Variants in AHCTF1 observed in about 807,000 individuals in gnomAD.
AHCTF1 encodes the protein protein ELYS.
AHCTF1 carries 24 observed loss-of-function variants against 248.4 expected under a neutral mutation model. The observed-to-expected ratio is 0.10, with a 90% CI of 0.07 to 0.14. AHCTF1 has a LOEUF of 0.14. Ranked by LOEUF, AHCTF1 falls within the 10% of genes least tolerant of loss-of-function variation. The pLI is 1.00. For missense variants in AHCTF1, 2,206 were observed against 2,636.2 expected (o/e 0.84, Z 3.57); for synonymous variants, 786 against 929.8 (o/e 0.85, Z 2.81).
chr1:246,889,456 A>G (rs1664060826), intron 17 of AHCTF1, among the ~76,000 whole-genome samples: 1 of 152,238 alleles, frequency 6.6e-6, no homozygotes, highest in Admixed American at 6.5e-5. Flanking sequence ...GCTGCCAAGG[A>G]TATACACTTA....
At chr1:246,854,325 A>G (rs1006152869) in intron 31 of AHCTF1, among the ~76,000 whole-genome samples, 10 of 151,410 alleles carry the variant, frequency 6.6e-5, no homozygotes, top group Admixed American at 5.9e-4. Flanking sequence ...AAATCTGTAC[A>G]TACTTCTGGA....
intron 21 of AHCTF1, among the ~76,000 whole-genome samples, chr1:246,883,267 C>T (rs187904910): frequency 4.7e-4 from 72 of 152,224 alleles, no homozygotes; most frequent in Admixed American, 2.2e-3. Flanking sequence ...CTTAACTTCT[C>T]GGACTTTTAG....
In AHCTF1 at chr1:246,843,948, C is replaced by T. The variant is rs1558203687; in HGVS notation, c.6392-20G>A. 4 of 1,380,050 alleles carry T rather than the reference C, an allele frequency of 2.9e-6. No homozygotes were observed. The highest frequency in any genetic ancestry group is 2.6e-5 in the East Asian group (1 of 37,932). The allele number at this position is 1,380,050 out of a possible 1,614,324, so 85.5% of individuals were successfully genotyped here. A position where few individuals can be genotyped will look rare whatever the true frequency, so the allele number is the denominator to read the frequency against. On this transcript the variant is annotated intron_variant, in intron 33 of 35. Coordinates refer to ENST00000648844, the MANE Select transcript of AHCTF1 (RefSeq NM_001323342.2). ...TTTTAGCTAAAAAAAGTTGAAAAAA[C>T]TGTATCTGTATCTTTATATATGTGT...
chr1:246,913,575 T>C (rs1220219797), intron 3 of AHCTF1, among the ~76,000 whole-genome samples, 163 bp from the exon 4 acceptor site: 5 of 152,244 alleles, frequency 3.3e-5, no homozygotes, highest in Non-Finnish European at 5.9e-5. Flanking sequence ...TCTTCAGCTA[T>C]ACTAGGAATT....
At chr1:246,855,943 TCAATA>T (rs1282235198) in intron 30 of AHCTF1, 116 bp from the exon 31 acceptor site, 1 of 575,568 alleles carries the variant, frequency 1.7e-6, no homozygotes, top group African/African-American at 1.9e-5. Flanking sequence ...TTCAGAGAAT[TCAATA>T]CAACTCAAGC....
At chr1:246,849,259 A>G (rs1025053438) in intron 33 of AHCTF1, among the ~76,000 whole-genome samples, 1 of 152,224 alleles carries the variant, frequency 6.6e-6, no homozygotes, top group African/African-American at 2.4e-5. Context: ...TGTGGATATC[A>G]CTGGGGTGTG....
rs75379026 is a variant in AHCTF1, at chr1:246,930,598, A to G, written c.-8+980T>C. Among the ~76,000 whole-genome samples, 490 of 148,668 alleles carry G rather than the reference A, an allele frequency of 3.3e-3. 3 individuals carry two copies. Among genetic ancestry groups the G allele is most frequent in the East Asian group, 9.8e-3 (50 of 5,078 alleles). On this transcript the variant is annotated intron_variant, in intron 1 of 35. Transcript: ENST00000648844. Reference sequence around the variant, plus strand: ...CAAAAAAACAGTTTAAAAAAAAAAAAGGGGGGGTCTCGCCATGTTGCTCAG... The same window carrying G: ...CAAAAAAACAGTTTAAAAAAAAAAAGGGGGGGGTCTCGCCATGTTGCTCAG...
intron 1 of AHCTF1, among the ~76,000 whole-genome samples, chr1:246,927,253 C>T (rs1289716350): frequency 2.6e-5 from 4 of 151,852 alleles, no homozygotes; most frequent in African/African-American, 7.3e-5. Context: ...GAGGCCAAGG[C>T]GGGAGAATGG....
At chr1:246,843,725 T>G (rs1003734552) in intron 34 of AHCTF1, 70 bp downstream of exon 34, 43 of 1,014,686 alleles carry the variant, frequency 4.2e-5, no homozygotes, top group Non-Finnish European at 5.3e-5. Context: ...TAAAATAATT[T>G]TATTAAAACA....
intron 2 of AHCTF1, among the ~76,000 whole-genome samples, chr1:246,917,156 C>A (rs1039009): frequency 0.61 from 92,126 of 152,058 alleles, 30,157 homozygotes; most frequent in African/African-American, 0.87. Context: ...ACAGAGTAGC[C>A]GCACTGGGTG....
At position 246,861,387 on chromosome 1, in the gene AHCTF1, CTT is replaced by C. The variant is rs1039837130; in HGVS notation, c.3736-94_3736-93del. The C allele has an allele frequency of 4.2e-6, 5 of 1,193,408 alleles. No homozygotes were observed. In the African/African-American group the frequency reaches 7.8e-5, roughly 19 times the overall value. The allele number at this position is 1,193,408 out of a possible 1,614,324, so 73.9% of individuals were successfully genotyped here. ...CCCATCCCAATCATACCCATACTTT[CTT>C]TGTTGTTTTTACCCAAATTCTCTCC... On this transcript the variant is annotated intron_variant, in intron 28 of 35. Coordinates refer to ENST00000648844, the MANE Select transcript of AHCTF1 (RefSeq NM_001323342.2).
chr1:246,868,974 A>G (rs1383253078), intron 24 of AHCTF1, among the ~76,000 whole-genome samples: 1 of 142,354 alleles, frequency 7.0e-6, no homozygotes. Context: ...CCTGCTGAGT[A>G]GCTGGGACTA....
intron 35 of AHCTF1, among the ~76,000 whole-genome samples, chr1:246,841,303 C>T (rs891552278): frequency 4.6e-5 from 7 of 152,146 alleles, no homozygotes; most frequent in African/African-American, 1.2e-4. Context: ...ATTACAAGGA[C>T]GGGCCGAGTA....
At chr1:246,868,211 C>G (rs1662163840) in intron 24 of AHCTF1, among the ~76,000 whole-genome samples, 1 of 151,726 alleles carries the variant, frequency 6.6e-6, no homozygotes, top group Non-Finnish European at 1.5e-5. Flanking sequence ...TCACTGCAAC[C>G]TCTGCCTGCC....
intron 4 of AHCTF1, among the ~76,000 whole-genome samples, chr1:246,908,051 A>G (rs903465): frequency 0.043 from 6,494 of 152,246 alleles, 472 homozygotes; most frequent in African/African-American, 0.15. Context: ...ACCATAAATA[A>G]AACTGATTTA....
chr1:246,877,911 TGTTA>T (rs947893920), intron 21 of AHCTF1, among the ~76,000 whole-genome samples: 1 of 152,094 alleles, frequency 6.6e-6, no homozygotes, highest in Non-Finnish European at 1.5e-5. Flanking sequence ...ATTTTTTTAC[TGTTA>T]TTTATTTATT....
chr1:246,914,106 C>T (rs1443810116), intron 3 of AHCTF1, among the ~76,000 whole-genome samples: 1 of 151,950 alleles, frequency 6.6e-6, no homozygotes, highest in African/African-American at 2.4e-5. Flanking sequence ...CATATTTTTC[C>T]CCTTCATCTC....
At chr1:246,890,528 T>C (rs1664143001) in intron 16 of AHCTF1, among the ~76,000 whole-genome samples, 1 of 152,122 alleles carries the variant, frequency 6.6e-6, no homozygotes, top group African/African-American at 2.4e-5. Flanking sequence ...ATTATCTTAT[T>C]GTTGGTACTG....
chr1:246,873,261 G>A (rs528316991), intron 24 of AHCTF1, among the ~76,000 whole-genome samples: 4 of 152,208 alleles, frequency 2.6e-5, no homozygotes, highest in African/African-American at 2.4e-5. Flanking sequence ...AATCTTAACC[G>A]GTGATAAATC....
Sources: gnomAD v4.1 joint callset for allele counts (sites outside exome capture counted in the v4.1 genomes callset) on GRCh38, gnomAD v4.1.1 for gene constraint, MANE v1.5 for transcripts, NCBI Gene and HGNC (gene_info 2026-07-23, HGNC 2026-07-21) for gene names.